Variants in ABR observed in about 807,000 individuals in gnomAD.
ABR encodes active breakpoint cluster region-related protein.
In ABR, 35 loss-of-function variants were observed where a neutral mutation model predicts 107.2. The observed-to-expected ratio is 0.33, with a 90% CI of 0.25 to 0.43. The LOEUF is 0.43. Among genes scored for constraint, ABR ranks in the 20% least tolerant of loss-of-function variants. The pLI, the probability that ABR is intolerant of heterozygous loss-of-function variation, is 1.00. For missense variants in ABR, 815 were observed against 1,115.2 expected (o/e 0.73, Z 3.83); for synonymous variants, 498 against 462.0 (o/e 1.08, Z -1.00).
At chr17:1,105,125 C>T (rs1567764830) in intron 2 of ABR, among the ~76,000 whole-genome samples, 2 of 150,050 alleles carry the variant, frequency 1.3e-5, no homozygotes, top group African/African-American at 2.5e-5. Context: ...TCTCCTGCTT[C>T]AGCCTCCTGA....
At chr17:1,046,769 C>T (rs757856146) in intron 16 of ABR, among the ~76,000 whole-genome samples, 4 of 152,292 alleles carry the variant, frequency 2.6e-5, no homozygotes, top group Non-Finnish European at 5.9e-5. Context: ...ACATACCATA[C>T]GCAGAGATGC....
intron 16 of ABR, among the ~76,000 whole-genome samples, chr17:1,028,197 G>T (rs530807645): frequency 6.6e-5 from 10 of 151,822 alleles, no homozygotes; most frequent in Admixed American, 2.0e-4. Flanking sequence ...TTCAAGCGAT[G>T]CTCCTGCCTC....
chr17:1,226,973 G>A (rs749292584), intron 1 of ABR, among the ~76,000 whole-genome samples: 1 of 152,192 alleles, frequency 6.6e-6, no homozygotes, highest in African/African-American at 2.4e-5. Flanking sequence ...ATGTAGCTGT[G>A]CAGTGTGCCA....
At chr17:1,025,607 T>A (rs1007915098) in intron 16 of ABR, among the ~76,000 whole-genome samples, 1 of 152,214 alleles carries the variant, frequency 6.6e-6, no homozygotes, top group Non-Finnish European at 1.5e-5. Context: ...GGTGTGGACC[T>A]TGCCGGTTCT....
intron 1 of ABR, among the ~76,000 whole-genome samples, chr17:1,224,536 G>A (rs1183941321): frequency 6.6e-6 from 1 of 152,166 alleles, no homozygotes; most frequent in Non-Finnish European, 1.5e-5. Context: ...TGCAGATAAT[G>A]AGTGTGATTG....
rs1337712094 is a variant in ABR at position 1,073,624 on chromosome 17, C to T, written c.753+1G>A. 3 of 1,587,968 alleles carry T rather than the reference C, an allele frequency of 1.9e-6. No individual in the cohort carries two copies. Among genetic ancestry groups the T allele is most frequent in the Non-Finnish European group, 2.6e-6 (3 of 1,163,834 alleles). On this transcript the variant is annotated splice_donor_variant, in intron 7 of 22. Coordinates refer to ENST00000302538, the MANE Select transcript of ABR (RefSeq NM_021962.5). LOFTEE classifies it high-confidence loss of function. ...TGGCCATTCGGAGGCTTGACACTCA[C>T]GTGTAGGACTAGGGTGCTCCGAGTG...
chr17:1,053,712 T>C (rs1406037415), intron 14 of ABR, among the ~76,000 whole-genome samples: 1 of 151,390 alleles, frequency 6.6e-6, no homozygotes, highest in East Asian at 2.0e-4. Flanking sequence ...TAAAGAGAGA[T>C]TTTGGAGCAG....
intron 10 of ABR, among the ~76,000 whole-genome samples, chr17:1,059,799 T>A (rs1290803562): frequency 3.3e-5 from 5 of 152,240 alleles, no homozygotes; most frequent in Non-Finnish European, 7.3e-5. Context: ...TGGTGTTTTG[T>A]TCTTTTTAAC....
rs928901889 is a variant in ABR at position 1,200,374 on chromosome 17, T to TA, written c.838+28418dup. ...CAACATAGCAAGACACTGTCTCCAT[T>TA]AAAAAAAATTTTTTTAAATAAAGTC... On this transcript the variant is annotated intron_variant, in intron 1 of 22. Transcript: ENST00000574139. The surrounding 1 kb of genome is among the most constrained non-coding windows in gnomAD (Gnocchi z 4.1). Among the ~76,000 whole-genome samples the TA allele has an allele frequency of 5.3e-5, 8 of 151,870 alleles. No individual in the cohort carries two copies. The highest frequency in any genetic ancestry group is 1.7e-4 in the African/African-American group (7 of 41,330).
intron 22 of ABR, among the ~76,000 whole-genome samples, chr17:1,006,444 A>G (rs1019061219): frequency 6.6e-6 from 1 of 152,132 alleles, no homozygotes; most frequent in African/African-American, 2.4e-5. Flanking sequence ...CAGGAATCCC[A>G]GGGAAGCCTC....
At chr17:1,031,978 C>T (rs2072843691) in intron 16 of ABR, 2 of 741,926 alleles carry the variant, frequency 2.7e-6, no homozygotes, top group Non-Finnish European at 3.6e-6. Flanking sequence ...CTGAGCGCCG[C>T]CTCCCAGGCC....
chr17:1,144,830 A>ACCAGCCTGG (rs748562088), intron 1 of ABR, among the ~76,000 whole-genome samples: 2 of 152,150 alleles, frequency 1.3e-5, no homozygotes, highest in Admixed American at 1.3e-4. Context: ...GGAGTTTGAG[A>ACCAGCCTGG]CCAACATGGT....
upstream of ABR, among the ~76,000 whole-genome samples, chr17:1,190,068 A>G (rs1183373199): frequency 6.6e-6 from 1 of 152,204 alleles, no homozygotes; most frequent in African/African-American, 2.4e-5. Flanking sequence ...GATGCAAAGA[A>G]AGAACAAATG....
intron 1 of ABR, among the ~76,000 whole-genome samples, chr17:1,174,705 C>A (rs910863737): frequency 3.3e-5 from 5 of 152,200 alleles, no homozygotes; most frequent in Non-Finnish European, 5.9e-5. Flanking sequence ...CAAGCCACTG[C>A]AGGCTCTTGC....
upstream of ABR, among the ~76,000 whole-genome samples, chr17:1,190,222 C>A (rs556533592): frequency 1.3e-5 from 2 of 152,334 alleles, no homozygotes; most frequent in Non-Finnish European, 2.9e-5. Flanking sequence ...TCCTTTCTAT[C>A]CAATCAGGCT....
chr17:1,144,842 A>T (rs772669082), intron 1 of ABR, among the ~76,000 whole-genome samples: 2 of 152,252 alleles, frequency 1.3e-5, no homozygotes, highest in Admixed American at 1.3e-4. Context: ...CAACATGGTG[A>T]AACCCTATCT....
At chr17:1,226,621 T>C (rs532217640) in intron 1 of ABR, among the ~76,000 whole-genome samples, 43 of 151,664 alleles carry the variant, frequency 2.8e-4, no homozygotes, top group Middle Eastern at 3.4e-3. Flanking sequence ...CAGGTGTGTG[T>C]GCATGTATGT....
At chr17:1,180,491 G>C (rs73975665), upstream of ABR, among the ~76,000 whole-genome samples, 64,092 of 152,034 alleles carry the variant, frequency 0.42, 14,051 homozygotes, top group African/African-American at 0.49. Context: ...GGCCGTTCCC[G>C]CCACACATGG....
intron 1 of ABR, among the ~76,000 whole-genome samples, chr17:1,173,079 TCCACCCCCCCCATCATCTCAGC>T (rs1567857618): frequency 2.8e-3 from 55 of 19,422 alleles, no homozygotes; most frequent in East Asian, 0.019. Flanking sequence ...ATCACCTCAG[TCCACCCCCCCCATCATCTCAGC>T]CCACCCAACA....
Sources: allele counts gnomAD v4.1 joint callset (sites outside exome capture counted in the v4.1 genomes callset), GRCh38; gene constraint gnomAD v4.1.1; non-coding constraint Gnocchi (gnomAD v3.1); transcripts MANE v1.5; gene names NCBI Gene and HGNC (gene_info 2026-07-23, HGNC 2026-07-21).